The following AKR1B10 variants were observed in gnomAD, a reference collection of about 807,000 sequenced individuals.
The protein encoded by AKR1B10 is ARP.
A neutral mutation model predicts 38.9 loss-of-function variants in AKR1B10; 39 were observed. The observed-to-expected ratio is 1.00, with a 90% confidence interval of 0.78 to 1.31. AKR1B10 has a LOEUF of 1.31. AKR1B10 is among the 50% of genes most tolerant of loss of function. AKR1B10 has a pLI of 0.00. For synonymous variants in AKR1B10, 148 were observed against 141.2 expected (o/e 1.05, Z -0.34); for missense variants, 361 against 382.6 (o/e 0.94, Z 0.47).
chr7:134,529,663 T>C (rs1807796719), intron 1 of AKR1B10, among the ~76,000 whole-genome samples: 1 of 152,210 alleles, frequency 6.6e-6, no homozygotes, highest in African/African-American at 2.4e-5. Flanking sequence ...ATCTCACAAT[T>C]GAAGAGGTTT....
intron 1 of AKR1B10, among the ~76,000 whole-genome samples, chr7:134,529,821 CCTCT>C (rs752742685): frequency 6.6e-6 from 1 of 151,414 alleles, no homozygotes; most frequent in Non-Finnish European, 1.5e-5. Context: ...TCTTTCTCTC[CCTCT>C]CTGTCATTCC....
At chr7:134,540,977 C>T (rs1267045128) in intron 9 of AKR1B10, 70 bp from the exon 10 acceptor site, 2 of 1,142,100 alleles carry the variant, frequency 1.8e-6, no homozygotes, top group African/African-American at 3.1e-5. Context: ...GGAAGAATAC[C>T]TTCTCAACCA....
intron 2 of AKR1B10, 100 bp downstream of exon 2, chr7:134,530,910 C>T (rs1807838824): frequency 1.4e-6 from 2 of 1,446,818 alleles, no homozygotes; most frequent in Non-Finnish European, 1.9e-6. Flanking sequence ...TCTACATGTA[C>T]CCCTTTTCAT....
intron 1 of AKR1B10, among the ~76,000 whole-genome samples, chr7:134,529,804 C>T (rs556125125): frequency 1.3e-5 from 2 of 151,210 alleles, no homozygotes; most frequent in South Asian, 4.2e-4. Flanking sequence ...CTTTTCTTTC[C>T]TTCCCTTCTT....
chr7:134,532,034 A>T lies in AKR1B10; in HGVS notation c.351+10A>T. 1.2e-6 allele frequency: 2 copies of T among 1,613,824 alleles called. No homozygotes were observed. Among genetic ancestry groups the T allele is most frequent in the Middle Eastern group, 1.7e-4 (1 of 6,056 alleles). On this transcript the variant is annotated intron_variant, in intron 3 of 9. Transcript: ENST00000359579. Reference sequence around the variant, plus strand: ...GCCACAGGGATTCAAGGTTTAAGACACTCTCTTTCTCAGCCTCTAGTTTCT... The same window carrying T: ...GCCACAGGGATTCAAGGTTTAAGACTCTCTCTTTCTCAGCCTCTAGTTTCT...
chr7:134,532,347 C>T (rs1435174288), intron 3 of AKR1B10, among the ~76,000 whole-genome samples: 1 of 152,086 alleles, frequency 6.6e-6, no homozygotes, highest in African/African-American at 2.4e-5. Flanking sequence ...GGTTGCCCTC[C>T]CAGGAAATCT....
At chr7:134,532,281 G>A (rs1807882104) in intron 3 of AKR1B10, among the ~76,000 whole-genome samples, 1 of 152,144 alleles carries the variant, frequency 6.6e-6, no homozygotes, top group Non-Finnish European at 1.5e-5. Context: ...ATGATTTCTG[G>A]CAGCCCAGAC....
Position 134,539,972 on chromosome 7 carries a change from G to A in AKR1B10, c.908+955G>A, listed in dbSNP as rs938405514. The stretch of plus-strand genomic sequence containing the variant: ...GCTGGGCGTGGTGGCCCACGGCTGT[G>A]ATCCCAGCACTTTGGGAGGCCAAGG... On this transcript the variant is annotated intron_variant, in intron 9 of 9. Transcript: ENST00000359579. Among the ~76,000 whole-genome samples the A allele has an allele frequency of 3.8e-4, 58 of 152,048 alleles. 4 individuals are homozygous for A. The highest frequency in any genetic ancestry group is 1.0e-4 in the Non-Finnish European group (7 of 68,006).
chr7:134,534,804 G>A (rs1807953812), intron 4 of AKR1B10, among the ~76,000 whole-genome samples: 2 of 152,098 alleles, frequency 1.3e-5, no homozygotes, highest in African/African-American at 4.8e-5. Context: ...TGAAATTTTG[G>A]GAAACCTAAT....
At chr7:134,538,371 C>CTT in intron 8 of AKR1B10, 94 bp downstream of exon 8, 3 of 1,252,688 alleles carry the variant, frequency 2.4e-6, no homozygotes, top group Non-Finnish European at 3.5e-6. Flanking sequence ...GCTGCATTGT[C>CTT]TTTTGCCCCC....
chr7:134,528,374 C>A lies in AKR1B10; in HGVS notation c.66+397C>A, dbSNP rs139251384. ...GCCCGAAGTCCTTGGCACCCCTTTG[C>A]AGATCACGGTGTGAGACTTGGGCTA... On this transcript the variant is annotated intron_variant, in intron 1 of 9. Coordinates refer to ENST00000359579, the MANE Select transcript of AKR1B10 (RefSeq NM_020299.5). Among the ~76,000 whole-genome samples the A allele has an allele frequency of 4.3e-3, 656 of 152,176 alleles. 2 individuals carry two copies. Among genetic ancestry groups the A allele is most frequent in the African/African-American group, 0.015 (632 of 41,504 alleles).
intron 6 of AKR1B10, 130 bp downstream of exon 6, chr7:134,537,287 C>G: frequency 1.5e-6 from 2 of 1,350,236 alleles, no homozygotes; most frequent in Non-Finnish European, 2.0e-6. Flanking sequence ...GTTTGGTACA[C>G]ACAAATGGGA....
chr7:134,530,720 C>T lies in AKR1B10; in HGVS notation c.144C>T (p.Val48=), dbSNP rs1807829265. The T allele has an allele frequency of 6.8e-6, 11 of 1,614,094 alleles. No individual in the cohort carries two copies. In the East Asian group the frequency reaches 2.5e-4, roughly 36 times the overall value. The change falls in exon 2 of 10, where the codon GTC becomes GTT. Residue 48 remains valine (V), a synonymous_variant. Transcript: ENST00000359579. ...AGYRHIDCAY[V]YQNEHEVGEA... is the part of the protein sequence containing the mutation. ...ATCGGCACATTGACTGTGCCTATGT[C>T]TATCAGAATGAACATGAAGTGGGGG...
chr7:134,535,587 T>A, intron 4 of AKR1B10: 3 of 436,272 alleles, frequency 6.9e-6, no homozygotes, highest in Non-Finnish European at 7.9e-6. Context: ...TTTTCTGTCT[T>A]TTTTTTTTTT....
rs1250211214 is a variant in AKR1B10, at chr7:134,538,964, G to C, written c.855G>C (p.Glu285Asp). 1.9e-6 allele frequency: 3 copies of C among 1,614,048 alleles called. No individual in the cohort carries two copies. Among genetic ancestry groups the C allele is most frequent in the Non-Finnish European group, 2.5e-6 (3 of 1,179,974 alleles). ...QVFDFKLSDE[E>D]MATILSFNRN... ...TTGACTTTAAATTGAGTGATGAGGA[G>C]ATGGCAACCATACTCAGCTTCAACA... is the stretch of plus-strand genomic sequence containing the variant. Residue 285 changes from glutamate to aspartate, a missense_variant, in exon 9 of 10, where the codon GAG becomes GAC. Glu to Asp is a conservative substitution (Grantham distance 45). Around this residue, in one of 3 missense-constraint regions of AKR1B10, gnomAD observed 132 missense variants for 134.6 expected, o/e 0.98. Coordinates refer to ENST00000359579, the MANE Select transcript of AKR1B10 (RefSeq NM_020299.5).
rs201852007 is a variant in AKR1B10, at chr7:134,537,121, C to T, written c.623C>T (p.Thr208Met). 341 of 1,597,428 alleles carry T rather than the reference C, an allele frequency of 2.1e-4. 1 individual carries two copies. The highest frequency in any genetic ancestry group is 1.9e-3 in the African/African-American group (139 of 73,592). Residue 208 changes from threonine (T) to methionine (M), a missense_variant, in exon 6 of 10, where the codon ACG becomes ATG. By Grantham distance (81) the Thr-to-Met change is moderately conservative (BLOSUM62 -1). Coordinates refer to ENST00000359579, the MANE Select transcript of AKR1B10 (RefSeq NM_020299.5). ...QYCHSKGITV[T>M]AYSPLGSPDR... is the part of the protein sequence containing the mutation. ...TGCCACTCCAAGGGCATCACCGTTA[C>T]GGCCTACAGCCCCCTGGGCTCTCCG...
In AKR1B10 at chr7:134,536,670, T is replaced by C. The variant is rs182129046; in HGVS notation, c.450T>C (p.Asp150=). 4.1e-5 allele frequency: 66 copies of C among 1,613,868 alleles called. No individual in the cohort carries two copies. The highest frequency in any genetic ancestry group is 2.2e-4 in the East Asian group (10 of 44,864). The part of the protein sequence containing the change: ...DAWEAMEELV[D]EGLVKALGVS... ...GATAGGCCATGGAGGAGCTGGTGGATGAGGGGCTGGTGAAAGCCCTTGGGG... is the reference window on the plus strand; with the variant it reads ...GATAGGCCATGGAGGAGCTGGTGGACGAGGGGCTGGTGAAAGCCCTTGGGG... Residue 150 remains aspartate, a synonymous_variant, in exon 5 of 10, where the codon GAT becomes GAC. Coordinates refer to ENST00000359579, the MANE Select transcript of AKR1B10 (RefSeq NM_020299.5).
chr7:134,537,722 A>T (rs1808051543), intron 7 of AKR1B10, 61 bp downstream of exon 7: 2 of 1,590,298 alleles, frequency 1.3e-6, no homozygotes, highest in South Asian at 2.2e-5. Context: ...CGTGTTTCAT[A>T]TCCTGTGTTG....
intron 4 of AKR1B10, among the ~76,000 whole-genome samples, chr7:134,534,442 G>A (rs1408846307): frequency 2.0e-5 from 3 of 152,096 alleles, no homozygotes; most frequent in Non-Finnish European, 4.4e-5. Flanking sequence ...CATATGATAA[G>A]ATTTTTTTAT....
Sources: allele counts gnomAD v4.1 joint callset (sites outside exome capture counted in the v4.1 genomes callset), GRCh38; gene constraint gnomAD v4.1.1; regional missense constraint gnomAD v4.1.1; transcripts MANE v1.5; gene names NCBI Gene and HGNC (gene_info 2026-07-23, HGNC 2026-07-21).